Variants in TYW1 observed in about 807,000 individuals in gnomAD.
The protein encoded by TYW1 is S-adenosyl-L-methionine-dependent tRNA 4-demethylwyosine synthase TYW1.
TYW1 carries 46 observed loss-of-function variants against 96.2 expected under a neutral mutation model. That is an observed-to-expected ratio of 0.48 (90% confidence interval 0.38 to 0.61). The LOEUF (loss-of-function observed/expected upper bound fraction) is 0.61. Among genes scored for constraint, TYW1 ranks in the 20% least tolerant of loss-of-function variants. TYW1 has a pLI of 0.00. For synonymous variants in TYW1, 274 were observed against 323.0 expected (o/e 0.85, Z 1.63); for missense variants, 684 against 909.6 (o/e 0.75, Z 3.19).
chr7:67,027,966 G>A (rs1291118948), intron 7 of TYW1, among the ~76,000 whole-genome samples: 1 of 150,956 alleles, frequency 6.6e-6, no homozygotes, highest in Non-Finnish European at 1.5e-5. Flanking sequence ...TGGGTGTGGT[G>A]GCTCATGCTT....
At chr7:67,011,422 G>A (rs1312958033) in intron 4 of TYW1, among the ~76,000 whole-genome samples, 2 of 152,260 alleles carry the variant, frequency 1.3e-5, no homozygotes, top group Non-Finnish European at 2.9e-5. Flanking sequence ...CCAGTTAGGG[G>A]ATTTCACCCT....
chr7:67,056,484 T>C (rs12698557), intron 9 of TYW1, among the ~76,000 whole-genome samples: 35,772 of 148,578 alleles, frequency 0.24, 4,590 homozygotes, highest in African/African-American at 0.32. Flanking sequence ...AAGAGTGAGA[T>C]TCCATCTCAA....
intron 3 of TYW1, among the ~76,000 whole-genome samples, chr7:67,000,703 T>C (rs1793354491): frequency 6.6e-6 from 1 of 152,156 alleles, no homozygotes; most frequent in Admixed American, 6.6e-5. Context: ...GCCCTCAAAG[T>C]GCTGAGATGA....
At chr7:67,131,840 T>A (rs1401870973) in intron 13 of TYW1, among the ~76,000 whole-genome samples, 1 of 152,086 alleles carries the variant, frequency 6.6e-6, no homozygotes, top group African/African-American at 2.4e-5. Context: ...GTCCAAAAGC[T>A]GAAGAACTTG....
At chr7:67,119,918 C>G (rs1485784513) in intron 13 of TYW1, among the ~76,000 whole-genome samples, 1 of 152,084 alleles carries the variant, frequency 6.6e-6, no homozygotes, top group African/African-American at 2.4e-5. Context: ...CTTCCAAGTA[C>G]TGGGACCACA....
chr7:67,021,109 A>G (rs901396416), intron 6 of TYW1, among the ~76,000 whole-genome samples: 1 of 152,298 alleles, frequency 6.6e-6, no homozygotes, highest in Non-Finnish European at 1.5e-5. Context: ...GTTCAGGCCA[A>G]CATCTTTTCT....
chr7:67,233,699 C>A (rs557611494), intron 15 of TYW1, among the ~76,000 whole-genome samples: 2 of 136,174 alleles, frequency 1.5e-5, no homozygotes, highest in East Asian at 3.9e-4. Context: ...TGTCTCTCAG[C>A]GCTGTTTGTG....
Position 67,112,100 on chromosome 7 carries a change from C to CAAAAAAAAAAAAAAA in TYW1, c.1563-5374_1563-5360dup, listed in dbSNP as rs538839042. Among the ~76,000 whole-genome samples the CAAAAAAAAAAAAAAA allele has an allele frequency of 2.3e-3, 221 of 94,786 alleles. 3 individuals carry two copies. The highest frequency in any genetic ancestry group is 6.8e-3 in the African/African-American group (181 of 26,682). 62.2% of individuals were successfully genotyped at this position (94,786 alleles called of 152,430 possible). ...GGTGACAGAGCGAGACTCTGTCTGA[C>CAAAAAAAAAAAAAAA]AAAAAAAAAAAAAAAAAAAAAAAGA... On this transcript the variant is annotated intron_variant, in intron 12 of 15. Coordinates refer to ENST00000359626, the MANE Select transcript of TYW1 (RefSeq NM_018264.4).
intron 3 of TYW1, among the ~76,000 whole-genome samples, chr7:67,006,947 G>GTTTTTTT (rs1562961994): frequency 1.4e-5 from 1 of 69,072 alleles, no homozygotes; most frequent in African/African-American, 6.0e-5. Flanking sequence ...GAGATGTGAG[G>GTTTTTTT]CTTTTTTTTT....
intron 8 of TYW1, 61 bp downstream of exon 8, chr7:67,050,127 C>A: frequency 6.4e-7 from 1 of 1,574,322 alleles, no homozygotes; most frequent in Non-Finnish European, 8.7e-7. Context: ...CATTTGATAC[C>A]TGGAATGAAG....
chr7:67,039,131 G>A (rs1794934788), intron 7 of TYW1, among the ~76,000 whole-genome samples: 1 of 152,098 alleles, frequency 6.6e-6, no homozygotes, highest in African/African-American at 2.4e-5. Flanking sequence ...AGTAGCTTTT[G>A]TATTTTGAAG....
intron 7 of TYW1, among the ~76,000 whole-genome samples, chr7:67,035,039 T>C (rs182355989): frequency 1.3e-5 from 2 of 152,180 alleles, no homozygotes; most frequent in Non-Finnish European, 2.9e-5. Flanking sequence ...ATTTTTAAAA[T>C]TTTGAGTGAG....
intron 14 of TYW1, among the ~76,000 whole-genome samples, chr7:67,192,928 A>C (rs926983483): frequency 6.6e-6 from 1 of 152,214 alleles, no homozygotes; most frequent in African/African-American, 2.4e-5. Flanking sequence ...AAGTCCTCGG[A>C]CACGCGCAGT....
chr7:67,029,331 T>G (rs1259982373), intron 7 of TYW1, among the ~76,000 whole-genome samples: 1 of 110,334 alleles, frequency 9.1e-6, no homozygotes, highest in African/African-American at 3.2e-5. Flanking sequence ...GACTTAAGAT[T>G]TAAAAAAATG....
At chr7:67,089,492 A>G (rs1222529895) in intron 11 of TYW1, 6 of 959,908 alleles carry the variant, frequency 6.3e-6, no homozygotes, top group Admixed American at 5.8e-5. Flanking sequence ...TATTTACCTC[A>G]CTCTGGCTTG....
At chr7:67,091,249 T>C (rs78961605) in intron 11 of TYW1, among the ~76,000 whole-genome samples, 33,543 of 146,478 alleles carry the variant, frequency 0.23, 4,281 homozygotes, top group African/African-American at 0.3. Context: ...AAAGGATGAA[T>C]TCATGTTTTT....
intron 9 of TYW1, among the ~76,000 whole-genome samples, chr7:67,058,254 G>A (rs913777820): frequency 6.6e-6 from 1 of 152,130 alleles, no homozygotes; most frequent in African/African-American, 2.4e-5. Context: ...ATTTTTGTCT[G>A]TCGTTTTTCT....
chr7:67,178,301 C>T (rs1799740909), intron 13 of TYW1, among the ~76,000 whole-genome samples: 1 of 152,162 alleles, frequency 6.6e-6, no homozygotes, highest in Admixed American at 6.5e-5. Context: ...ACAATGTGGC[C>T]ATAAAGATGT....
intron 13 of TYW1, among the ~76,000 whole-genome samples, chr7:67,152,260 AT>A (rs1191827718): frequency 6.6e-6 from 1 of 152,166 alleles, no homozygotes; most frequent in Non-Finnish European, 1.5e-5. Context: ...TGACCCCTGG[AT>A]TAGACTCACC....
Sources: allele counts gnomAD v4.1 joint callset (sites outside exome capture counted in the v4.1 genomes callset), GRCh38; gene constraint gnomAD v4.1.1; transcripts MANE v1.5; gene names NCBI Gene and HGNC (gene_info 2026-07-23, HGNC 2026-07-21).